CLCA2: variants seen among roughly 807,000 people sequenced by gnomAD.
CLCA2 encodes chloride channel accessory 2, also known as calcium-activated chloride channel regulator 2.
A neutral mutation model predicts 82.9 loss-of-function variants in CLCA2; 85 were observed. The observed-to-expected ratio is 1.03, with a 90% CI of 0.86 to 1.23. The LOEUF (loss-of-function observed/expected upper bound fraction) is 1.23. Among genes scored for constraint, CLCA2 ranks in the 50% most tolerant of loss-of-function variants. The probability of loss-of-function intolerance (pLI) is 0.00; values close to 1 mark genes in which losing one functional copy is unlikely to be tolerated. For synonymous variants in CLCA2, 421 were observed against 391.7 expected (o/e 1.07, Z -0.88); for missense variants, 1,089 against 1,124.8 (o/e 0.97, Z 0.45).
intron 5 of CLCA2, among the ~76,000 whole-genome samples, chr1:86,433,000 C>A (rs1157614110): frequency 6.6e-6 from 1 of 152,188 alleles, no homozygotes; most frequent in Non-Finnish European, 1.5e-5. Flanking sequence ...AGAAACCCAA[C>A]CTTGTCAATA....
chr1:86,447,923 C>A, intron 11 of CLCA2, 145 bp downstream of exon 11: 1 of 799,738 alleles, frequency 1.3e-6, no homozygotes, highest in Non-Finnish European at 1.9e-6. Context: ...CTTATAGAGT[C>A]ACTGATATAC....
At chr1:86,440,504 C>G (rs986672255) in intron 8 of CLCA2, among the ~76,000 whole-genome samples, 179 bp downstream of exon 8, 9 of 151,966 alleles carry the variant, frequency 5.9e-5, no homozygotes, top group African/African-American at 2.2e-4. Flanking sequence ...TACATTTTCC[C>G]TAAAGGTTCC....
At chr1:86,435,765 T>C (rs1662594211) in intron 6 of CLCA2, among the ~76,000 whole-genome samples, 1 of 152,164 alleles carries the variant, frequency 6.6e-6, no homozygotes, top group Admixed American at 6.5e-5. Context: ...TGATATAAGC[T>C]TACAATAAAA....
Position 86,447,757 on chromosome 1 carries a change from A to C in CLCA2, c.1963A>C (p.Arg655=), listed in dbSNP as rs1157628149. 1.2e-6 allele frequency: 2 copies of C among 1,613,244 alleles called. No homozygotes were observed. The highest frequency in any genetic ancestry group is 1.7e-6 in the Non-Finnish European group (2 of 1,179,952). The change falls in exon 11 of 14, where the codon AGA becomes CGA. Residue 655 remains arginine, a synonymous_variant. Transcript: ENST00000370565. ...AGAGACTGGAGATCCTGTTACGCTG[A>C]GACTCCTTGATGATGGAGCAGGTAA... ...EPETGDPVTL[R]LLDDGAGADV...
intron 4 of CLCA2, among the ~76,000 whole-genome samples, chr1:86,431,492 G>A (rs78473412): frequency 0.045 from 6,772 of 152,142 alleles, 209 homozygotes; most frequent in East Asian, 0.1. Context: ...TTTCTCATAC[G>A]TGCAGACAGA....
rs1662562362 is a variant in CLCA2 at position 86,434,541 on chromosome 1, T to C, written c.768T>C (p.Ser256=). The C allele has an allele frequency of 6.2e-7, 1 of 1,613,954 alleles. No individual in the cohort carries two copies. Among genetic ancestry groups the C allele is most frequent in the Non-Finnish European group, 8.5e-7 (1 of 1,179,962 alleles). The part of the protein sequence containing the change: ...LSSVVEFCNA[S]THNQEAPNLQ... Reference sequence around the variant, plus strand: ...AGGTGGTTGAATTTTGTAATGCAAGTACCCACAACCAAGAAGCACCAAACC... The same window carrying C: ...AGGTGGTTGAATTTTGTAATGCAAGCACCCACAACCAAGAAGCACCAAACC... Residue 256 remains serine, a synonymous_variant, in exon 6 of 14, where the codon AGT becomes AGC. Coordinates refer to ENST00000370565, the MANE Select transcript of CLCA2 (RefSeq NM_006536.7).
rs754766988 is a variant in CLCA2, at chr1:86,450,661, C to T, written c.2083C>T (p.Pro695Ser). The change falls in exon 12 of 14, where the codon CCC (proline) becomes TCC (serine). Residue 695 changes from proline to serine, a missense_variant. By Grantham distance (74) the Pro-to-Ser change is moderately conservative (BLOSUM62 -1). Transcript: ENST00000370565. Reference sequence around the variant, plus strand: ...CTTGAAAGTGCATGTCAATCACTCTCCCAGCATAAGCACCCCAGCCCACTC... The same window carrying T: ...CTTGAAAGTGCATGTCAATCACTCTTCCAGCATAAGCACCCCAGCCCACTC... ...YSLKVHVNHS[P>S]SISTPAHSIP... 2 of 1,613,702 alleles carry T rather than the reference C, an allele frequency of 1.2e-6. No homozygotes were observed. The highest frequency in any genetic ancestry group is 1.1e-5 in the South Asian group (1 of 90,988).
chr1:86,442,862 C>T (rs1662765051), intron 9 of CLCA2, among the ~76,000 whole-genome samples: 1 of 152,196 alleles, frequency 6.6e-6, no homozygotes, highest in South Asian at 2.1e-4. Context: ...TCTAAGCCTA[C>T]TCTTCCCATC....
intron 3 of CLCA2, among the ~76,000 whole-genome samples, chr1:86,430,303 G>C (rs1240415121): frequency 6.6e-6 from 1 of 152,162 alleles, no homozygotes; most frequent in African/African-American, 2.4e-5. Flanking sequence ...TAAAATAAAA[G>C]AGAAGGGACC....
rs553398395 is a variant in CLCA2, at chr1:86,436,692, A to G, written c.972+1947A>G. Among the ~76,000 whole-genome samples, 4 of 151,968 alleles carry G rather than the reference A, an allele frequency of 2.6e-5. No individual in the cohort carries two copies. In the South Asian group the frequency reaches 8.3e-4, roughly 32 times the overall value. On this transcript the variant is annotated intron_variant, in intron 6 of 13. Coordinates refer to ENST00000370565, the MANE Select transcript of CLCA2 (RefSeq NM_006536.7). ...TTATGTTGCATACCTGCAGTTGACT[A>G]GGGCATTTTGTTGTTGTTGTTGTTT... is the stretch of plus-strand genomic sequence containing the variant.
In CLCA2 at chr1:86,456,127, C is replaced by T. The variant is rs917289219; in HGVS notation, c.*600C>T. 12 of 152,144 alleles carry T rather than the reference C, an allele frequency of 7.9e-5. No homozygotes were observed. The highest frequency in any genetic ancestry group is 2.6e-4 in the Admixed American group (4 of 15,286). 9.4% of individuals were successfully genotyped at this position (152,144 alleles called of 1,614,324 possible). A position where few individuals can be genotyped will look rare whatever the true frequency, so the allele number is the denominator to read the frequency against. ...GGGTATTACCTTTGTCTCTTCATAC[C>T]GGTTTTATGACAAAGGTCTATTGAA... is the stretch of plus-strand genomic sequence containing the variant. On this transcript the variant is annotated 3_prime_UTR_variant, in exon 14 of 14. Transcript: ENST00000370565.
chr1:86,447,181 T>A (rs1662869986), intron 10 of CLCA2, among the ~76,000 whole-genome samples: 1 of 152,178 alleles, frequency 6.6e-6, no homozygotes, highest in Non-Finnish European at 1.5e-5. Context: ...TTAATATCTG[T>A]AAAGTACTTT....
intron 12 of CLCA2, among the ~76,000 whole-genome samples, chr1:86,453,162 G>A (rs563972704): frequency 4.1e-4 from 63 of 152,110 alleles, no homozygotes; most frequent in Non-Finnish European, 7.5e-4. Flanking sequence ...AGCAGAGTAA[G>A]ACTCTGTCTC....
chr1:86,448,907 C>A (rs1396666785), intron 11 of CLCA2, among the ~76,000 whole-genome samples: 4 of 152,226 alleles, frequency 2.6e-5, no homozygotes, highest in Non-Finnish European at 5.9e-5. Context: ...TTCTCTCTTG[C>A]CCCACCCTGT....
intron 1 of CLCA2, 142 bp from the exon 2 acceptor site, chr1:86,425,197 C>T (rs1316354255): frequency 1.1e-5 from 5 of 459,538 alleles, no homozygotes; most frequent in South Asian, 7.4e-5. Flanking sequence ...CTATGTTTTC[C>T]CAAAGTCTAG....
In CLCA2 at chr1:86,438,876, G is replaced by A. The variant is rs753970295; in HGVS notation, c.973G>A (p.Ala325Thr). Residue 325 changes from alanine (A) to threonine (T), a missense_variant and splice_region_variant, in exon 7 of 14, where the codon GCT becomes ACT. By Grantham distance (58) the Ala-to-Thr change is moderately conservative (BLOSUM62 0). Coordinates refer to ENST00000370565, the MANE Select transcript of CLCA2 (RefSeq NM_006536.7). ...TTCTTTTTTCCTTTTTGGGACATAG[G>A]CTGACAGACTCCTTCAACTACAACA... ...VLDVSSKMAE[A>T]DRLLQLQQAA... 1.2e-6 allele frequency: 2 copies of A among 1,613,448 alleles called. No homozygotes were observed. The highest frequency in any genetic ancestry group is 3.3e-5 in the Admixed American group (2 of 59,976).
At chr1:86,436,084 G>A (rs1405294519) in intron 6 of CLCA2, among the ~76,000 whole-genome samples, 1 of 152,168 alleles carries the variant, frequency 6.6e-6, no homozygotes, top group Non-Finnish European at 1.5e-5. Flanking sequence ...GCAGAGTTGG[G>A]GAGTTGCAAC....
At chr1:86,433,187 A>C (rs889946076) in intron 5 of CLCA2, among the ~76,000 whole-genome samples, 1 of 152,258 alleles carries the variant, frequency 6.6e-6, no homozygotes, top group Non-Finnish European at 1.5e-5. Context: ...ATGCATAGTC[A>C]GAGAGCATGG....
rs1461693195 is a variant in CLCA2, at chr1:86,432,451, A to AAAG, written c.671_673dup (p.Glu224dup). The AAAG allele has an allele frequency of 6.2e-7, 1 of 1,614,096 alleles. No individual in the cohort carries two copies. Among genetic ancestry groups the AAAG allele is most frequent in the Admixed American group, 1.7e-5 (1 of 60,012 alleles). Reference sequence around the variant, plus strand: ...AAACTGTATTATTAGTAAGCTTTTTAAAGAAGGATGCACCTTTATCTACAA... The same window carrying AAAG: ...AAACTGTATTATTAGTAAGCTTTTTAAAGAAGAAGGATGCACCTTTATCTACAA... On this transcript the variant is annotated inframe_insertion, in exon 5 of 14. Transcript: ENST00000370565.
Sources: gnomAD v4.1 joint callset for allele counts (sites outside exome capture counted in the v4.1 genomes callset) on GRCh38, gnomAD v4.1.1 for gene constraint, MANE v1.5 for transcripts, NCBI Gene and HGNC (gene_info 2026-07-23, HGNC 2026-07-21) for gene names.